Variants in ROR1 observed in about 807,000 individuals in gnomAD.
ROR1 encodes the protein ROR family WNT receptor 1.
In ROR1, 19 loss-of-function variants were observed where a neutral mutation model predicts 78.8. The ratio of observed to expected loss-of-function variants is 0.24; its 90% CI spans 0.17 to 0.35. The LOEUF is 0.35. Ranked by LOEUF, ROR1 falls within the 10% of genes least tolerant of loss-of-function variation. ROR1 has a pLI of 1.00. For missense variants in ROR1, 917 were observed against 1,177.8 expected (o/e 0.78, Z 3.24); for synonymous variants, 386 against 433.6 (o/e 0.89, Z 1.36).
intron 4 of ROR1, among the ~76,000 whole-genome samples, chr1:64,088,116 G>A (rs12085960): frequency 0.19 from 29,428 of 152,006 alleles, 3,624 homozygotes; most frequent in African/African-American, 0.36. Context: ...TTTTCCTGTG[G>A]GCACATTTTA....
intron 1 of ROR1, among the ~76,000 whole-genome samples, chr1:63,945,809 A>G (rs960056158): frequency 6.6e-6 from 1 of 152,234 alleles, no homozygotes; most frequent in African/African-American, 2.4e-5. Context: ...ATTGAATTAC[A>G]TATAGTTTAC....
At chr1:63,921,517 TTATG>T (rs1645653969) in intron 1 of ROR1, among the ~76,000 whole-genome samples, 4 of 152,032 alleles carry the variant, frequency 2.6e-5, no homozygotes, top group African/African-American at 9.7e-5. Flanking sequence ...AACATGATCA[TTATG>T]GTTGTTGTCG....
chr1:63,834,386 T>C (rs747555359), intron 1 of ROR1, among the ~76,000 whole-genome samples: 5 of 152,066 alleles, frequency 3.3e-5, no homozygotes, highest in Non-Finnish European at 5.9e-5. Flanking sequence ...TCCAGGTTTC[T>C]AGTTGATGTT....
intron 4 of ROR1, among the ~76,000 whole-genome samples, chr1:64,085,314 G>C (rs1048710989): frequency 6.6e-6 from 1 of 152,214 alleles, no homozygotes; most frequent in Non-Finnish European, 1.5e-5. Flanking sequence ...CTGCAAAGAG[G>C]AAGGTGGTTT....
At chr1:63,952,932 C>T (rs1645952329) in intron 1 of ROR1, among the ~76,000 whole-genome samples, 1 of 152,134 alleles carries the variant, frequency 6.6e-6, no homozygotes, top group South Asian at 2.1e-4. Flanking sequence ...CACTGCATAG[C>T]AAACACACTG....
intron 1 of ROR1, among the ~76,000 whole-genome samples, chr1:63,969,351 C>T (rs1408622370): frequency 6.6e-6 from 1 of 152,160 alleles, no homozygotes; most frequent in East Asian, 1.9e-4. Context: ...CCTTCTCTCA[C>T]ATTGTGCAAT....
At chr1:63,800,888 G>A (rs926388128) in intron 1 of ROR1, among the ~76,000 whole-genome samples, 21 of 152,060 alleles carry the variant, frequency 1.4e-4, no homozygotes, top group Admixed American at 1.0e-3. Flanking sequence ...AGCTGCCACT[G>A]TGGGGATATT....
At chr1:63,800,345 T>G (rs1644788037) in intron 1 of ROR1, among the ~76,000 whole-genome samples, 1 of 152,230 alleles carries the variant, frequency 6.6e-6, no homozygotes, top group Non-Finnish European at 1.5e-5. Flanking sequence ...TGTTTTGTAC[T>G]TTTAATTTGA....
intron 4 of ROR1, among the ~76,000 whole-genome samples, chr1:64,103,885 C>T (rs1289893433): frequency 6.6e-6 from 1 of 152,092 alleles, no homozygotes; most frequent in Non-Finnish European, 1.5e-5. Context: ...GTCAGCAGTT[C>T]TCTAGTGAGG....
chr1:63,919,429 GC>G (rs1645635854), intron 1 of ROR1, among the ~76,000 whole-genome samples: 1 of 149,246 alleles, frequency 6.7e-6, no homozygotes, highest in East Asian at 2.0e-4. Flanking sequence ...GTGTTTTATA[GC>G]CTGGGCTGAA....
chr1:64,100,441 TCA>T (rs1647482949), intron 4 of ROR1, among the ~76,000 whole-genome samples: 1 of 152,144 alleles, frequency 6.6e-6, no homozygotes, highest in African/African-American at 2.4e-5. Flanking sequence ...TGAGCTGTGA[TCA>T]CACCACTGCA....
chr1:64,116,083 A>C (rs553919443), intron 4 of ROR1, among the ~76,000 whole-genome samples: 1 of 152,294 alleles, frequency 6.6e-6, no homozygotes, highest in African/African-American at 2.4e-5. Context: ...ACCCAGATTT[A>C]CAATGTGTTG....
intron 1 of ROR1, among the ~76,000 whole-genome samples, chr1:63,828,150 G>A (rs961583913): frequency 9.9e-5 from 15 of 152,126 alleles, no homozygotes; most frequent in African/African-American, 2.4e-4. Context: ...GAGCCTGTTG[G>A]TGGTCTTGGA....
At chr1:63,947,579 G>T (rs1284368388) in intron 1 of ROR1, among the ~76,000 whole-genome samples, 1 of 152,160 alleles carries the variant, frequency 6.6e-6, no homozygotes, top group Admixed American at 6.5e-5. Flanking sequence ...TCCACTGCAG[G>T]CTCCCCATCA....
At chr1:63,850,486 T>C (rs902936327) in intron 1 of ROR1, among the ~76,000 whole-genome samples, 2 of 152,276 alleles carry the variant, frequency 1.3e-5, no homozygotes, top group African/African-American at 4.8e-5. Context: ...TCCTACAGGA[T>C]ATAAGTTCCC....
chr1:63,994,824 C>A (rs1646324383), intron 1 of ROR1, among the ~76,000 whole-genome samples: 1 of 152,212 alleles, frequency 6.6e-6, no homozygotes, highest in Admixed American at 6.5e-5. Context: ...GATCAAGTTG[C>A]CCATCTCAGA....
rs146232548 is a variant in ROR1, at chr1:64,115,580, C to T, written c.483-21789C>T. 5.2e-3 allele frequency among the ~76,000 whole-genome samples: 784 copies of T among 149,888 alleles called. 8 individuals are homozygous for T. The highest frequency in any genetic ancestry group is 0.013 in the South Asian group (62 of 4,744). ...TAGAACTTACCTCTTATGGTTGTAA[C>T]GATAAATAAATAAGATAAAGTATAT... On this transcript the variant is annotated intron_variant, in intron 4 of 8. Transcript: ENST00000371079.
chr1:63,854,565 A>C (rs1028631226), intron 1 of ROR1, among the ~76,000 whole-genome samples: 1 of 152,202 alleles, frequency 6.6e-6, no homozygotes, highest in African/African-American at 2.4e-5. Flanking sequence ...TCCTACAACA[A>C]TCCGAACGTA....
chr1:63,830,228 G>A (rs1644979065), intron 1 of ROR1, among the ~76,000 whole-genome samples: 1 of 152,136 alleles, frequency 6.6e-6, no homozygotes, highest in Admixed American at 6.5e-5. Flanking sequence ...CCCAGCACTG[G>A]TTGCCAAAGT....
Sources: allele counts gnomAD v4.1 joint callset (sites outside exome capture counted in the v4.1 genomes callset), GRCh38; gene constraint gnomAD v4.1.1; transcripts MANE v1.5; gene names NCBI Gene and HGNC (gene_info 2026-07-23, HGNC 2026-07-21).